Variants in COG6 observed in about 807,000 individuals in gnomAD.
COG6 encodes component of oligomeric golgi complex 6.
A neutral mutation model predicts 88.8 loss-of-function variants in COG6; 74 were observed. The ratio of observed to expected loss-of-function variants is 0.83; its 90% confidence interval spans 0.69 to 1.01. COG6 has a LOEUF of 1.01. Among genes scored for constraint, COG6 ranks in the 50% least tolerant of loss-of-function variants. The probability of loss-of-function intolerance (pLI) is 0.00; values close to 1 mark genes in which losing one functional copy is unlikely to be tolerated. For synonymous variants in COG6, 286 were observed against 278.7 expected, an observed-to-expected ratio of 1.03 and a Z score of -0.26; for missense variants, 800 against 797.9, an observed-to-expected ratio of 1.00 and a Z score of -0.03.
intron 18 of COG6, among the ~76,000 whole-genome samples, chr13:39,758,524 G>T (rs1219492454): frequency 6.6e-6 from 1 of 152,164 alleles, no homozygotes; most frequent in Non-Finnish European, 1.5e-5. Context: ...GGAAATGCAA[G>T]TCAGAATCAC....
intron 18 of COG6, among the ~76,000 whole-genome samples, chr13:39,786,980 T>G (rs1881791140): frequency 6.6e-6 from 1 of 152,228 alleles, no homozygotes; most frequent in South Asian, 2.1e-4. Flanking sequence ...AATCACATTA[T>G]GAGCCCCAAG....
At chr13:39,714,926 C>T (rs924591878) in intron 13 of COG6, among the ~76,000 whole-genome samples, 2 of 152,032 alleles carry the variant, frequency 1.3e-5, no homozygotes, top group African/African-American at 4.8e-5. Context: ...GAGCAGGAGG[C>T]CATTATTCTA....
chr13:39,669,706 A>C (rs2137966180), intron 4 of COG6, among the ~76,000 whole-genome samples: 1 of 152,322 alleles, frequency 6.6e-6, no homozygotes, highest in African/African-American at 2.4e-5. Context: ...CAATATTAGA[A>C]CATTGTGCTT....
chr13:39,655,958 C>G, intron 1 of COG6, 79 bp downstream of exon 1: 1 of 1,514,330 alleles, frequency 6.6e-7, no homozygotes, highest in Non-Finnish European at 9.0e-7. Flanking sequence ...GTCAGGGACC[C>G]ACCGCGGTCT....
At chr13:39,725,146 A>G (rs994155579) in intron 17 of COG6, among the ~76,000 whole-genome samples, 5 of 151,848 alleles carry the variant, frequency 3.3e-5, no homozygotes, top group Non-Finnish European at 4.4e-5. Flanking sequence ...CATTCATTGT[A>G]TGATATTTAA....
intron 13 of COG6, among the ~76,000 whole-genome samples, chr13:39,702,683 C>A (rs146653463): frequency 9.6e-4 from 146 of 151,848 alleles, no homozygotes; most frequent in African/African-American, 3.4e-3. Flanking sequence ...TAAATAATAA[C>A]CACGGTAGAA....
chr13:39,702,411 A>G (rs922689465), intron 13 of COG6, among the ~76,000 whole-genome samples: 4 of 152,042 alleles, frequency 2.6e-5, no homozygotes, highest in Non-Finnish European at 5.9e-5. Context: ...CAGCATTTAT[A>G]TATTAAAACC....
In COG6 at chr13:39,665,132, A is replaced by G. The variant is rs760016677; in HGVS notation, c.406A>G (p.Thr136Ala). The G allele has an allele frequency of 6.5e-7, 1 of 1,531,246 alleles. No individual in the cohort carries two copies. Among genetic ancestry groups the G allele is most frequent in the Non-Finnish European group, 9.0e-7 (1 of 1,105,408 alleles). 94.9% of individuals were successfully genotyped at this position (1,531,246 alleles called of 1,614,324 possible). A position where few individuals can be genotyped will look rare whatever the true frequency, so the allele number is the denominator to read the frequency against. ...KEQTQDLIVK[T>A]TKLQSESQKL... Reference sequence around the variant, plus strand: ...ACAGACTCAAGATTTAATAGTAAAAACCACTAAGCTTCAATCTGAAAGGTA... The same window carrying G: ...ACAGACTCAAGATTTAATAGTAAAAGCCACTAAGCTTCAATCTGAAAGGTA... The change falls in exon 4 of 19, where the codon ACC becomes GCC. Residue 136 changes from threonine (T) to alanine (A), a missense_variant. Coordinates refer to ENST00000455146, the MANE Select transcript of COG6 (RefSeq NM_020751.3).
exon 19 of COG6, chr13:39,790,321 G>C (rs1242183478): frequency 6.6e-6 from 1 of 152,146 alleles, no homozygotes; most frequent in Non-Finnish European, 1.5e-5. Context: ...GGTAAAAATT[G>C]TGTAAGGCTT....
At chr13:39,661,541 C>T (rs1047492620) in intron 3 of COG6, among the ~76,000 whole-genome samples, 6 of 152,090 alleles carry the variant, frequency 3.9e-5, no homozygotes, top group Admixed American at 3.9e-4. Flanking sequence ...ACAGATTAAT[C>T]ACAGGCTACT....
At chr13:39,770,563 C>G (rs1286772805) in intron 18 of COG6, among the ~76,000 whole-genome samples, 1 of 152,184 alleles carries the variant, frequency 6.6e-6, no homozygotes, top group African/African-American at 2.4e-5. Context: ...TCACCCTGCC[C>G]CCTGTATTAT....
chr13:39,751,648 G>A lies in COG6; in HGVS notation c.*555G>A, dbSNP rs140263403. On this transcript the variant is annotated 3_prime_UTR_variant, in exon 19 of 19. Transcript: ENST00000455146. The stretch of plus-strand genomic sequence containing the variant: ...AGTGAATGTGCTCCTGGTGTATATG[G>A]CAGTGAATCTCCTTTCTGTTCTACT... 1.0e-3 allele frequency: 1,296 copies of A among 1,286,906 alleles called. 5 individuals carry two copies. The highest frequency in any genetic ancestry group is 6.5e-3 in the Middle Eastern group (20 of 3,064). 79.7% of individuals were successfully genotyped at this position (1,286,906 alleles called of 1,614,324 possible).
intron 5 of COG6, 97 bp downstream of exon 5, chr13:39,677,676 G>A: frequency 1.5e-6 from 1 of 648,352 alleles, no homozygotes; most frequent in Admixed American, 2.9e-5. Context: ...ATTAAAAAAA[G>A]TTTCATCTGA....
intron 18 of COG6, among the ~76,000 whole-genome samples, chr13:39,744,631 T>G (rs1291721181): frequency 2.0e-5 from 3 of 152,110 alleles, no homozygotes; most frequent in Admixed American, 2.0e-4. Flanking sequence ...GAAGAACATT[T>G]CATGCTCATA....
intron 13 of COG6, among the ~76,000 whole-genome samples, chr13:39,718,330 C>A (rs1413014721): frequency 6.6e-6 from 1 of 152,052 alleles, no homozygotes; most frequent in Non-Finnish European, 1.5e-5. Context: ...CACCTTTCTG[C>A]CTACCTGCCA....
chr13:39,777,799 A>G lies in COG6; in HGVS notation c.1827-10536A>G, dbSNP rs141218438. Among the ~76,000 whole-genome samples, 126 of 152,286 alleles carry G rather than the reference A, an allele frequency of 8.3e-4. 1 individual carries two copies. The Middle Eastern group carries it at 0.02, about 25-fold the overall frequency. On this transcript the variant is annotated intron_variant, in intron 18 of 18. Transcript: ENST00000416691. Reference sequence around the variant, plus strand: ...ATTTCCTTGATACTGAAAAAAGGGTAGTAGGGAATGTATGTTTGCTGCGGC... The same window carrying G: ...ATTTCCTTGATACTGAAAAAAGGGTGGTAGGGAATGTATGTTTGCTGCGGC...
At chr13:39,659,857 G>A (rs1874786551) in intron 2 of COG6, among the ~76,000 whole-genome samples, 1 of 152,074 alleles carries the variant, frequency 6.6e-6, no homozygotes, top group African/African-American at 2.4e-5. Flanking sequence ...TTCTCTACTG[G>A]AGATTAATTA....
At position 39,752,556 on chromosome 13, in the gene COG6, G is replaced by T. The variant is rs986792568; in HGVS notation, c.*1463G>T. On this transcript the variant is annotated 3_prime_UTR_variant, in exon 19 of 19. Transcript: ENST00000455146. Reference sequence around the variant, plus strand: ...AGAAGATTGATACCTTGCTATGAGTGAATTCCTTTGTTTTATAGGGAAAAT... The same window carrying T: ...AGAAGATTGATACCTTGCTATGAGTTAATTCCTTTGTTTTATAGGGAAAAT... 1.6e-6 allele frequency: 2 copies of T among 1,246,588 alleles called. No individual in the cohort carries two copies. Among genetic ancestry groups the T allele is most frequent in the Non-Finnish European group, 2.1e-6 (2 of 956,664 alleles). 77.2% of individuals were successfully genotyped at this position (1,246,588 alleles called of 1,614,324 possible).
rs530139796 is a variant in COG6 at position 39,680,178 on chromosome 13, A to G, written c.694+133A>G. ...TTTTAAAAATAAAAATAGTATTTGT[A>G]TTTGGTTTTTAAATTTTTACTTGGT... On this transcript the variant is annotated intron_variant, in intron 7 of 18. Transcript: ENST00000455146. 7.8e-5 allele frequency: 48 copies of G among 616,236 alleles called. No individual in the cohort carries two copies. The East Asian group carries it at 1.4e-3, about 18-fold the overall frequency. The allele number at this position is 616,236 out of a possible 1,614,324, so 38.2% of individuals were successfully genotyped here.
Sources: allele counts gnomAD v4.1 joint callset (sites outside exome capture counted in the v4.1 genomes callset), GRCh38; gene constraint gnomAD v4.1.1; transcripts MANE v1.5; gene names NCBI Gene and HGNC (gene_info 2026-07-23, HGNC 2026-07-21).